The following MYO6 variants were observed in gnomAD, a reference collection of about 807,000 sequenced individuals.
The protein encoded by MYO6 is myosin VI.
Under a neutral mutation model 178.7 loss-of-function variants are expected in MYO6, and 74 were observed. The ratio of observed to expected loss-of-function variants is 0.41; its 90% CI spans 0.34 to 0.50. MYO6 has a LOEUF of 0.50. MYO6 is among the 20% of genes least tolerant of loss of function. The pLI is 0.09. For missense variants in MYO6, 1,330 were observed against 1,547.4 expected (o/e 0.86, Z 2.36); for synonymous variants, 477 against 504.6 (o/e 0.95, Z 0.73).
At chr6:75,781,321 CAG>C (rs1307850387) in intron 1 of MYO6, among the ~76,000 whole-genome samples, 1 of 152,000 alleles carries the variant, frequency 6.6e-6, no homozygotes, top group Non-Finnish European at 1.5e-5. Context: ...ATTTTTGAAG[CAG>C]AGAGTAGAAA....
intron 1 of MYO6, among the ~76,000 whole-genome samples, chr6:75,757,611 G>A (rs1352432834): frequency 2.0e-5 from 3 of 151,780 alleles, no homozygotes; most frequent in African/African-American, 7.3e-5. Context: ...ACAGCCCTGG[G>A]GTTCCAGAGT....
intron 1 of MYO6, among the ~76,000 whole-genome samples, chr6:75,757,325 A>G (rs1277733955): frequency 6.7e-6 from 1 of 149,086 alleles, no homozygotes; most frequent in Non-Finnish European, 1.5e-5. Context: ...TACATATAGA[A>G]CATATATACA....
chr6:75,866,521 T>C lies in MYO6; in HGVS notation c.1675-5T>C. 1 of 1,608,032 alleles carries C rather than the reference T, an allele frequency of 6.2e-7. No homozygotes were observed. The highest frequency in any genetic ancestry group is 1.1e-5 in the South Asian group (1 of 90,962). ...TTAATAACTCATATATGTATTGTTT[T>C]TCAGATTCCCAGAAAATCTAAGCTG... On this transcript the variant is annotated splice_region_variant and splice_polypyrimidine_tract_variant and intron_variant, in intron 16 of 34. Transcript: ENST00000369977.
chr6:75,904,792 A>C (rs1780140725), intron 30 of MYO6, among the ~76,000 whole-genome samples: 1 of 152,090 alleles, frequency 6.6e-6, no homozygotes, highest in Admixed American at 6.5e-5. Flanking sequence ...CCTTTGGAGG[A>C]GGAGAGGCGC....
At chr6:75,784,596 AC>A (rs1259338470) in intron 1 of MYO6, among the ~76,000 whole-genome samples, 5 of 151,388 alleles carry the variant, frequency 3.3e-5, no homozygotes, top group Admixed American at 6.6e-5. Context: ...ACATGGTGAA[AC>A]CCCGTCTCTA....
At chr6:75,809,810 C>G (rs574043362) in intron 1 of MYO6, among the ~76,000 whole-genome samples, 1 of 151,458 alleles carries the variant, frequency 6.6e-6, no homozygotes. Context: ...GGCTTGTAAT[C>G]CCAGCACTTT....
intron 1 of MYO6, among the ~76,000 whole-genome samples, chr6:75,758,586 A>G (rs1186956000): frequency 1.5e-4 from 23 of 150,746 alleles, no homozygotes; most frequent in African/African-American, 4.6e-4. Context: ...TCAGCCTCCC[A>G]AGTAGCTGGG....
At chr6:75,771,645 T>C (rs1271223935) in intron 1 of MYO6, among the ~76,000 whole-genome samples, 1 of 152,172 alleles carries the variant, frequency 6.6e-6, no homozygotes, top group African/African-American at 2.4e-5. Context: ...GAGATTGAGG[T>C]TGACTTTCTG....
At chr6:75,766,214 G>A (rs906588747) in intron 1 of MYO6, among the ~76,000 whole-genome samples, 2 of 151,966 alleles carry the variant, frequency 1.3e-5, no homozygotes, top group African/African-American at 4.8e-5. Context: ...TCCCAGCTAC[G>A]TGGGAGGCTG....
intron 1 of MYO6, among the ~76,000 whole-genome samples, chr6:75,787,742 A>C (rs1326227074): frequency 1.5e-4 from 17 of 111,428 alleles, no homozygotes; most frequent in East Asian, 3.0e-4. Flanking sequence ...ATATATATAT[A>C]TATATATATA....
rs113864154 is a variant in MYO6 at position 75,814,864 on chromosome 6, C to CA, written c.-47-2621dup. On this transcript the variant is annotated intron_variant, in intron 1 of 34. Coordinates refer to ENST00000369977, the MANE Select transcript of MYO6 (RefSeq NM_004999.4). The stretch of plus-strand genomic sequence containing the variant: ...CCTGGGTGATAGAAAGACCCAGTCT[C>CA]AAAAAAAAAAAAAAAAGATATTTCA... Among the ~76,000 whole-genome samples, 779 of 102,830 alleles carry CA rather than the reference C, an allele frequency of 7.6e-3. 5 individuals are homozygous for CA. The highest frequency in any genetic ancestry group is 0.028 in the Middle Eastern group (5 of 176). 67.5% of individuals were successfully genotyped at this position (102,830 alleles called of 152,430 possible).
At chr6:75,866,424 C>T in intron 16 of MYO6, 102 bp from the exon 17 acceptor site, 1 of 900,328 alleles carries the variant, frequency 1.1e-6, no homozygotes. Context: ...GTGAAAATTT[C>T]CTGTATAATT....
intron 14 of MYO6, among the ~76,000 whole-genome samples, chr6:75,860,766 C>T (rs1776132780): frequency 6.6e-6 from 1 of 152,152 alleles, no homozygotes; most frequent in Non-Finnish European, 1.5e-5. Context: ...CACTTATTTT[C>T]CCCAAGTGAT....
At chr6:75,800,458 C>T (rs1460789142) in intron 1 of MYO6, among the ~76,000 whole-genome samples, 1 of 152,048 alleles carries the variant, frequency 6.6e-6, no homozygotes, top group Non-Finnish European at 1.5e-5. Context: ...CTGAAGTAGG[C>T]TAAGGTGTCA....
Position 75,809,916 on chromosome 6 carries a change from AC to A in MYO6, c.-47-7584del, listed in dbSNP as rs1231593830. ...TGTCTCTGCTAAAAAAAAAAAAAAA[AC>A]AAAAAAAAAAGCAAAAATTAGCTGG... On this transcript the variant is annotated intron_variant, in intron 1 of 34. Coordinates refer to ENST00000369977, the MANE Select transcript of MYO6 (RefSeq NM_004999.4). Among the ~76,000 whole-genome samples the A allele has an allele frequency of 1.2e-3, 175 of 145,514 alleles. 1 individual carries two copies. The highest frequency in any genetic ancestry group is 4.1e-3 in the African/African-American group (160 of 39,324).
intron 23 of MYO6, among the ~76,000 whole-genome samples, chr6:75,883,811 T>C (rs947834262): frequency 6.6e-6 from 1 of 152,130 alleles, no homozygotes; most frequent in Non-Finnish European, 1.5e-5. Flanking sequence ...CCTGAAATAG[T>C]GCTAGGTACA....
chr6:75,757,972 CTT>C (rs71002761), intron 1 of MYO6, among the ~76,000 whole-genome samples: 2 of 74,312 alleles, frequency 2.7e-5, no homozygotes, highest in African/African-American at 1.0e-4. Flanking sequence ...TTGAAGTTGG[CTT>C]TTTTTTTTTT....
intron 4 of MYO6, 23 bp from the exon 5 acceptor site, chr6:75,830,391 TTA>T: frequency 1.2e-6 from 2 of 1,601,010 alleles, no homozygotes; most frequent in Non-Finnish European, 1.7e-6. Context: ...TTGGAATATT[TTA>T]TGTTTATGCT....
intron 1 of MYO6, among the ~76,000 whole-genome samples, chr6:75,757,622 T>C (rs1777573724): frequency 6.6e-6 from 1 of 151,820 alleles, no homozygotes; most frequent in South Asian, 2.1e-4. Flanking sequence ...GTTCCAGAGT[T>C]GCGTTTAAGC....
Sources: gnomAD v4.1 joint callset for allele counts (sites outside exome capture counted in the v4.1 genomes callset) on GRCh38, gnomAD v4.1.1 for gene constraint, MANE v1.5 for transcripts, NCBI Gene and HGNC (gene_info 2026-07-23, HGNC 2026-07-21) for gene names.